The following CDH13 variants were observed in gnomAD, a reference collection of about 807,000 sequenced individuals.
CDH13 encodes cadherin-13.
CDH13 carries 24 observed loss-of-function variants against 63.8 expected under a neutral mutation model. The ratio of observed to expected loss-of-function variants is 0.38; its 90% CI spans 0.27 to 0.53. The LOEUF (loss-of-function observed/expected upper bound fraction) is 0.53. CDH13 is among the 20% of genes least tolerant of loss of function. The probability of loss-of-function intolerance (pLI) is 0.85; values close to 1 mark genes in which losing one functional copy is unlikely to be tolerated. For synonymous variants in CDH13, 503 were observed against 355.3 expected, an observed-to-expected ratio of 1.42 and a Z score of -4.67; for missense variants, 1,049 against 903.1, an observed-to-expected ratio of 1.16 and a Z score of -2.07.
intron 1 of CDH13, among the ~76,000 whole-genome samples, chr16:82,722,840 G>A (rs1021210285): frequency 3.2e-4 from 49 of 152,184 alleles, no homozygotes; most frequent in Non-Finnish European, 1.2e-4. Context: ...GAGCCCACCT[G>A]TGAAGAGTGC....
chr16:83,553,442 C>A (rs1039961065), intron 7 of CDH13, among the ~76,000 whole-genome samples: 15 of 152,176 alleles, frequency 9.9e-5, no homozygotes, highest in Admixed American at 3.3e-4. Flanking sequence ...ATATGTTTTT[C>A]TTATAACACT....
intron 2 of CDH13, among the ~76,000 whole-genome samples, chr16:82,945,408 G>T (rs559422347): frequency 1.3e-5 from 2 of 152,298 alleles, no homozygotes; most frequent in African/African-American, 4.8e-5. Context: ...GTACGAAATG[G>T]ATATTAAGAT....
At chr16:82,865,643 G>A (rs2040105788) in intron 2 of CDH13, among the ~76,000 whole-genome samples, 1 of 152,194 alleles carries the variant, frequency 6.6e-6, no homozygotes. Context: ...CTAGGCCTCA[G>A]GGCCTGTGAT....
chr16:83,356,000 C>A (rs1027528067), intron 6 of CDH13, among the ~76,000 whole-genome samples: 6 of 152,170 alleles, frequency 3.9e-5, no homozygotes, highest in African/African-American at 1.4e-4. Context: ...GGTGACTCCG[C>A]CGTGGTCACA....
intron 1 of CDH13, among the ~76,000 whole-genome samples, chr16:82,636,893 C>G (rs1047849307): frequency 6.6e-6 from 1 of 152,162 alleles, no homozygotes; most frequent in Non-Finnish European, 1.5e-5. Flanking sequence ...CTCTTGCTAC[C>G]TGATACTAAC....
intron 6 of CDH13, among the ~76,000 whole-genome samples, chr16:83,473,009 G>A (rs1315625531): frequency 6.6e-6 from 1 of 152,158 alleles, no homozygotes; most frequent in Non-Finnish European, 1.5e-5. Flanking sequence ...GTTCCATGGG[G>A]GCACAGGTGG....
chr16:83,649,809 C>A (rs1312179266), intron 8 of CDH13, among the ~76,000 whole-genome samples: 1 of 152,116 alleles, frequency 6.6e-6, no homozygotes, highest in Non-Finnish European at 1.5e-5. Context: ...GTCTAGAGCC[C>A]ACTTTGCAGC....
At chr16:83,487,077 T>C (rs1453924039) in intron 7 of CDH13, among the ~76,000 whole-genome samples, 1 of 152,090 alleles carries the variant, frequency 6.6e-6, no homozygotes, top group Non-Finnish European at 1.5e-5. Context: ...ATGACTCCTT[T>C]CTCCAACCCT....
chr16:83,410,094 C>G (rs1240271729), intron 6 of CDH13, among the ~76,000 whole-genome samples: 1 of 152,168 alleles, frequency 6.6e-6, no homozygotes, highest in Admixed American at 6.5e-5. Flanking sequence ...GTTGCAAGCA[C>G]AAATCCTGTT....
At chr16:83,441,346 T>C (rs1036960520) in intron 6 of CDH13, among the ~76,000 whole-genome samples, 4 of 152,178 alleles carry the variant, frequency 2.6e-5, no homozygotes, top group African/African-American at 4.8e-5. Context: ...ACACAATACA[T>C]TTACAATTGG....
At chr16:82,936,848 G>A (rs926157495) in intron 2 of CDH13, among the ~76,000 whole-genome samples, 3 of 151,940 alleles carry the variant, frequency 2.0e-5, no homozygotes, top group East Asian at 1.9e-4. Context: ...GGTACACTTC[G>A]CCCAACCATT....
chr16:83,794,467 C>T (rs1597245237), intron 13 of CDH13, among the ~76,000 whole-genome samples: 1 of 152,310 alleles, frequency 6.6e-6, no homozygotes, highest in Middle Eastern at 3.4e-3. Flanking sequence ...GTGGGAGGAT[C>T]GCTTGAGCCC....
At chr16:83,776,827 G>T (rs1270721343) in intron 11 of CDH13, among the ~76,000 whole-genome samples, 1 of 152,158 alleles carries the variant, frequency 6.6e-6, no homozygotes, top group South Asian at 2.1e-4. Context: ...GGGTCTCTCA[G>T]GATTCCGTAT....
Position 82,913,294 on chromosome 16 carries a change from G to A in CDH13, c.157+54821G>A, listed in dbSNP as rs935379819. 2.0e-5 allele frequency among the ~76,000 whole-genome samples: 3 copies of A among 152,120 alleles called. No individual in the cohort carries two copies. The East Asian group carries it at 5.8e-4, about 29-fold the overall frequency. On this transcript the variant is annotated intron_variant, in intron 2 of 13. Transcript: ENST00000567109. ...AAACGTTCGATGCTGCGTTGTTCTG[G>A]GAGATGTGAGCCGCCGGCTCATTCA...
chr16:82,715,872 C>T (rs1421669787), intron 1 of CDH13, among the ~76,000 whole-genome samples: 1 of 152,166 alleles, frequency 6.6e-6, no homozygotes, highest in East Asian at 1.9e-4. Flanking sequence ...CTAGAAAATC[C>T]CCAGTCCAAC....
At chr16:82,885,513 A>G (rs867255833) in intron 2 of CDH13, among the ~76,000 whole-genome samples, 3 of 144,118 alleles carry the variant, frequency 2.1e-5, no homozygotes, top group Middle Eastern at 3.4e-3. Context: ...CCATCCATCT[A>G]TCCATTCATC....
chr16:82,765,954 T>C (rs1392413837), intron 1 of CDH13, among the ~76,000 whole-genome samples: 3 of 152,212 alleles, frequency 2.0e-5, no homozygotes, highest in Admixed American at 6.5e-5. Context: ...CTCATAGTTA[T>C]GTGAGTTCAG....
At chr16:83,566,684 G>A (rs1240533469) in intron 7 of CDH13, among the ~76,000 whole-genome samples, 1 of 152,172 alleles carries the variant, frequency 6.6e-6, no homozygotes, top group East Asian at 1.9e-4. Context: ...CTCAGGCAAA[G>A]CCCTGCTCTC....
At chr16:83,174,770 C>T (rs934210999) in intron 4 of CDH13, among the ~76,000 whole-genome samples, 1 of 151,962 alleles carries the variant, frequency 6.6e-6, no homozygotes, top group African/African-American at 2.4e-5. Context: ...TTGGGGAGGC[C>T]TTAGGAAACT....
Sources: gnomAD v4.1 joint callset for allele counts (sites outside exome capture counted in the v4.1 genomes callset) on GRCh38, gnomAD v4.1.1 for gene constraint, MANE v1.5 for transcripts, NCBI Gene and HGNC (gene_info 2026-07-23, HGNC 2026-07-21) for gene names.